NFAT5: variants seen among roughly 807,000 people sequenced by gnomAD.
The protein encoded by NFAT5 is nuclear factor of activated T cells 5.
In NFAT5, 31 loss-of-function variants were observed where a neutral mutation model predicts 166.5. That is an observed-to-expected ratio of 0.19 (90% CI 0.14 to 0.25). NFAT5 has a LOEUF of 0.25. NFAT5 is among the 10% of genes least tolerant of loss of function. The pLI, the probability that NFAT5 is intolerant of heterozygous loss-of-function variation, is 1.00. For missense variants in NFAT5, 1,449 were observed against 1,821.8 expected (o/e 0.80, Z 3.72); for synonymous variants, 612 against 639.7 (o/e 0.96, Z 0.65).
In NFAT5 at chr16:69,692,609, G is replaced by C; in HGVS notation, c.2784G>C (p.Gln928His). The C allele has an allele frequency of 6.2e-7, 1 of 1,614,230 alleles. No individual in the cohort carries two copies. Among genetic ancestry groups the C allele is most frequent in the Non-Finnish European group, 8.5e-7 (1 of 1,180,038 alleles). Residue 928 changes from glutamine to histidine, a missense_variant, in exon 13 of 15, where the codon CAG becomes CAC. Gln to His is a conservative substitution (Grantham distance 24). This residue lies in a region of NFAT5 where 891 missense variants were observed against 993.0 expected (regional missense o/e 0.90). Coordinates refer to ENST00000349945, the MANE Select transcript of NFAT5 (RefSeq NM_138713.4). ...AGAGTATCTGCCAGGCAGCTGCCCAGATTCAGTCAGAGTTATTCCCTTCAA... is the reference window on the plus strand; with the variant it reads ...AGAGTATCTGCCAGGCAGCTGCCCACATTCAGTCAGAGTTATTCCCTTCAA... ...MQQSICQAAA[Q>H]IQSELFPSTA...
At chr16:69,580,235 TAA>T (rs1483278928) in intron 2 of NFAT5, among the ~76,000 whole-genome samples, 3 of 152,040 alleles carry the variant, frequency 2.0e-5, no homozygotes, top group African/African-American at 7.2e-5. Flanking sequence ...CATTACATAT[TAA>T]AAGTTTAGGG....
chr16:69,583,503 C>T (rs992818311), intron 2 of NFAT5, among the ~76,000 whole-genome samples: 2 of 152,128 alleles, frequency 1.3e-5, no homozygotes, highest in Admixed American at 6.6e-5. Flanking sequence ...GTATGAGCCT[C>T]AAGGCCTAGC....
intron 9 of NFAT5, among the ~76,000 whole-genome samples, chr16:69,676,587 A>G (rs1340672606): frequency 6.6e-6 from 1 of 152,200 alleles, no homozygotes; most frequent in African/African-American, 2.4e-5. Context: ...CAAGTGAGAC[A>G]GAGTGAAGAA....
At chr16:69,611,662 G>A (rs2151557301) in intron 2 of NFAT5, among the ~76,000 whole-genome samples, 1 of 152,358 alleles carries the variant, frequency 6.6e-6, no homozygotes, top group East Asian at 1.9e-4. Flanking sequence ...CCCATGTGGT[G>A]AAAGGGCCAA....
At chr16:69,619,510 T>C (rs571088324) in intron 2 of NFAT5, among the ~76,000 whole-genome samples, 3 of 152,200 alleles carry the variant, frequency 2.0e-5, no homozygotes, top group South Asian at 4.1e-4. Flanking sequence ...AATACAGATA[T>C]CACATTCTTT....
At chr16:69,669,293 G>A in intron 7 of NFAT5, among the ~76,000 whole-genome samples, 1 of 152,208 alleles carries the variant, frequency 6.6e-6, no homozygotes, top group East Asian at 1.9e-4. Flanking sequence ...GGTGGCTCAT[G>A]CCTGAATCCC....
intron 4 of NFAT5, among the ~76,000 whole-genome samples, chr16:69,652,932 TAGTCTC>T (rs1472415518): frequency 4.6e-5 from 7 of 152,066 alleles, no homozygotes; most frequent in Non-Finnish European, 8.8e-5. Context: ...TCTTTCCTGT[TAGTCTC>T]AGTTTATTGC....
chr16:69,657,724 A>C (rs984967756), intron 6 of NFAT5, among the ~76,000 whole-genome samples: 5 of 141,254 alleles, frequency 3.5e-5, no homozygotes, highest in Admixed American at 1.5e-4. Flanking sequence ...ATGCCACTGC[A>C]CTCCAGCCTG....
intron 7 of NFAT5, among the ~76,000 whole-genome samples, chr16:69,661,333 G>A (rs1003313216): frequency 1.3e-5 from 2 of 149,434 alleles, no homozygotes; most frequent in Non-Finnish European, 3.0e-5. Flanking sequence ...AACTTATAAT[G>A]GAAGTGTATT....
At chr16:69,615,650 A>C (rs1230371825) in intron 2 of NFAT5, among the ~76,000 whole-genome samples, 2 of 152,150 alleles carry the variant, frequency 1.3e-5, no homozygotes, top group East Asian at 1.9e-4. Flanking sequence ...CTCCCGTTGC[A>C]ATGCAATACC....
At chr16:69,597,949 T>A (rs1347049053) in intron 2 of NFAT5, among the ~76,000 whole-genome samples, 1 of 152,152 alleles carries the variant, frequency 6.6e-6, no homozygotes, top group Non-Finnish European at 1.5e-5. Context: ...TGCTAGGCCT[T>A]AGTAACTGTT....
At chr16:69,649,924 T>C (rs1422122146) in intron 4 of NFAT5, among the ~76,000 whole-genome samples, 2 of 151,942 alleles carry the variant, frequency 1.3e-5, no homozygotes, top group Non-Finnish European at 2.9e-5. Context: ...ATAGCATTTT[T>C]ATATGACTAA....
At chr16:69,690,884 ATAGT>A in intron 11 of NFAT5, 52 bp from the exon 12 acceptor site, 2 of 1,365,812 alleles carry the variant, frequency 1.5e-6, no homozygotes, top group Non-Finnish European at 1.9e-6. Context: ...TTAGAATGAA[ATAGT>A]TGGTAAATTT....
intron 6 of NFAT5, among the ~76,000 whole-genome samples, chr16:69,657,399 G>C (rs1361648955): frequency 6.6e-6 from 1 of 151,448 alleles, no homozygotes; most frequent in African/African-American, 2.4e-5. Context: ...CAAAGTGCTG[G>C]GATTACAGGC....
intron 4 of NFAT5, 73 bp from the exon 5 acceptor site, chr16:69,653,163 G>C: frequency 9.3e-7 from 1 of 1,074,398 alleles, no homozygotes. Context: ...TTCTTCCTTT[G>C]TCTTAATGGC....
At chr16:69,626,330 A>T in intron 2 of NFAT5, 73 bp from the exon 3 acceptor site, 1 of 1,357,874 alleles carries the variant, frequency 7.4e-7, no homozygotes, top group Non-Finnish European at 9.9e-7. Context: ...AGACATACTC[A>T]TTTTGTGCAT....
At chr16:69,627,742 G>C (rs900928592) in intron 3 of NFAT5, among the ~76,000 whole-genome samples, 1 of 152,120 alleles carries the variant, frequency 6.6e-6, no homozygotes, top group African/African-American at 2.4e-5. Context: ...CTTTCTAACA[G>C]TTTCTGTGGA....
intron 2 of NFAT5, among the ~76,000 whole-genome samples, chr16:69,591,034 C>G (rs2032428571): frequency 6.6e-6 from 1 of 152,180 alleles, no homozygotes; most frequent in Admixed American, 6.5e-5. Flanking sequence ...TGGGTTCAAG[C>G]AATTCTCCTG....
intron 9 of NFAT5, 53 bp from the exon 10 acceptor site, chr16:69,677,150 T>G: frequency 1.3e-6 from 2 of 1,534,898 alleles, no homozygotes; most frequent in Non-Finnish European, 1.8e-6. Context: ...ATTTAAAATT[T>G]TTAAATTTAA....
Sources: gnomAD v4.1 joint callset for allele counts (sites outside exome capture counted in the v4.1 genomes callset) on GRCh38, gnomAD v4.1.1 for gene constraint, gnomAD v4.1.1 regional missense constraint, MANE v1.5 for transcripts, NCBI Gene and HGNC (gene_info 2026-07-23, HGNC 2026-07-21) for gene names.